SLC15A1: variants seen among roughly 807,000 people sequenced by gnomAD.
The protein encoded by SLC15A1 is Caco-2 oligopeptide transporter.
Under a neutral mutation model 92.9 loss-of-function variants are expected in SLC15A1, and 83 were observed. The ratio of observed to expected loss-of-function variants is 0.89; its 90% CI spans 0.75 to 1.07. SLC15A1 has a LOEUF of 1.07. SLC15A1 is among the 50% of genes least tolerant of loss of function. SLC15A1 has a pLI of 0.00. For synonymous variants in SLC15A1, 322 were observed against 318.2 expected, an observed-to-expected ratio of 1.01 and a Z score of -0.13; for missense variants, 857 against 880.1, an observed-to-expected ratio of 0.97 and a Z score of 0.33.
At chr13:98,751,685 A>G (rs1311838203) in intron 1 of SLC15A1, among the ~76,000 whole-genome samples, 2 of 152,216 alleles carry the variant, frequency 1.3e-5, no homozygotes, top group Admixed American at 1.3e-4. Context: ...TCCGGCAGGC[A>G]TTCTGAGAGC....
intron 1 of SLC15A1, among the ~76,000 whole-genome samples, chr13:98,741,662 T>A (rs925481422): frequency 1.4e-5 from 2 of 144,102 alleles, no homozygotes; most frequent in African/African-American, 2.6e-5. Context: ...AGGTGGAGGT[T>A]GCAGTGAGCT....
intron 10 of SLC15A1, 140 bp downstream of exon 10, chr13:98,712,358 C>T: frequency 1.5e-6 from 1 of 646,618 alleles, no homozygotes; most frequent in Non-Finnish European, 2.7e-6. Context: ...TGCACTCATG[C>T]ATAGTTTTAT....
intron 18 of SLC15A1, among the ~76,000 whole-genome samples, chr13:98,690,907 C>T (rs7335161): frequency 0.062 from 9,489 of 152,248 alleles, 640 homozygotes; most frequent in African/African-American, 0.17. Context: ...CATTCATCTG[C>T]TTTCTGTCTC....
At position 98,706,189 on chromosome 13, in the gene SLC15A1, T is replaced by A. The variant is rs201694136; in HGVS notation, c.1214A>T (p.Asn405Ile). Residue 405 changes from asparagine to isoleucine, a missense_variant, in exon 16 of 23, where the codon AAT becomes ATT. Physicochemically the swap from Asn to Ile is moderately radical, Grantham distance 149. Coordinates refer to ENST00000376503, the MANE Select transcript of SLC15A1 (RefSeq NM_005073.4). ...VQIKVLNIGN[N>I]TMNISLPGEM... ...TCCAGGAAGAGATATATTCATGGTA[T>A]TGTTTCCTATATTCAAAACTTTAAT... is the stretch of plus-strand genomic sequence containing the variant. The A allele has an allele frequency of 1.4e-5, 22 of 1,613,552 alleles. No individual in the cohort carries two copies. Among genetic ancestry groups the A allele is most frequent in the Non-Finnish European group, 1.9e-5 (22 of 1,179,762 alleles).
intron 8 of SLC15A1, among the ~76,000 whole-genome samples, chr13:98,718,525 CAAAA>C (rs1278549810): frequency 6.6e-6 from 1 of 151,788 alleles, no homozygotes; most frequent in Non-Finnish European, 1.5e-5. Flanking sequence ...AAAACAACAA[CAAAA>C]AAACCAGCTA....
intron 18 of SLC15A1, among the ~76,000 whole-genome samples, chr13:98,701,034 A>G (rs2088062953): frequency 6.6e-6 from 1 of 152,180 alleles, no homozygotes; most frequent in Non-Finnish European, 1.5e-5. Context: ...TTCCATATAC[A>G]TTTTAGAAGC....
chr13:98,707,397 A>T (rs2088120891), intron 15 of SLC15A1, among the ~76,000 whole-genome samples: 1 of 152,252 alleles, frequency 6.6e-6, no homozygotes, highest in African/African-American at 2.4e-5. Context: ...AGCCAGTCAC[A>T]AAAGGACAAA....
chr13:98,706,128 A>G lies in SLC15A1; in HGVS notation c.1269+6T>C, dbSNP rs2088110580. The G allele has an allele frequency of 6.2e-7, 1 of 1,604,556 alleles. No homozygotes were observed. The highest frequency in any genetic ancestry group is 2.2e-5 in the East Asian group (1 of 44,752). On this transcript the variant is annotated splice_donor_region_variant and intron_variant, in intron 16 of 22. Coordinates refer to ENST00000376503, the MANE Select transcript of SLC15A1 (RefSeq NM_005073.4). ...AAAAAGAAGGCAGCAATTTCCTTCT[A>G]CTTACTTGAGACATTGGGCCAAGTG... is the stretch of plus-strand genomic sequence containing the variant.
rs184808634 is a variant in SLC15A1 at position 98,704,792 on chromosome 13, C to T, written c.1270-357G>A. ...AAAATCAATACTGGGCTGCTCCAAG[C>T]ATTAGGAATCGGGCTTTTTGTTTTT... On this transcript the variant is annotated intron_variant, in intron 16 of 22. Transcript: ENST00000376503. 2.3e-3 allele frequency among the ~76,000 whole-genome samples: 347 copies of T among 152,324 alleles called. 1 individual carries two copies. Among genetic ancestry groups the T allele is most frequent in the Non-Finnish European group, 3.7e-3 (254 of 68,032 alleles).
chr13:98,704,578 C>T lies in SLC15A1; in HGVS notation c.1270-143G>A, dbSNP rs547569484. 4 of 775,450 alleles carry T rather than the reference C, an allele frequency of 5.2e-6. No homozygotes were observed. In the South Asian group the frequency reaches 7.9e-5, roughly 15 times the overall value. The allele number at this position is 775,450 out of a possible 1,614,324, so 48.0% of individuals were successfully genotyped here. On this transcript the variant is annotated intron_variant, in intron 16 of 22. Coordinates refer to ENST00000376503, the MANE Select transcript of SLC15A1 (RefSeq NM_005073.4). ...CAAAAAAATGCCTGTGGGGAGTTGG[C>T]CTTTATTTGCCTCAGCTTCCCACCC...
chr13:98,715,077 A>G lies in SLC15A1; in HGVS notation c.723+801T>C, dbSNP rs2088202733. 6.6e-5 allele frequency among the ~76,000 whole-genome samples: 10 copies of G among 152,176 alleles called. No individual in the cohort carries two copies. The South Asian group carries it at 1.7e-3, about 25-fold the overall frequency. On this transcript the variant is annotated intron_variant, in intron 9 of 22. Coordinates refer to ENST00000376503, the MANE Select transcript of SLC15A1 (RefSeq NM_005073.4). ...ACTGTAAGTTCAGCACTGTCTTCCTATTTGCAGCAATTTGTGGGCTTACAT... is the reference window on the plus strand; with the variant it reads ...ACTGTAAGTTCAGCACTGTCTTCCTGTTTGCAGCAATTTGTGGGCTTACAT...
Position 98,715,877 on chromosome 13 carries a change from C to A in SLC15A1, c.723+1G>T, listed in dbSNP as rs777607751. 1.2e-6 allele frequency: 2 copies of A among 1,613,628 alleles called. No individual in the cohort carries two copies. Among genetic ancestry groups the A allele is most frequent in the South Asian group, 1.1e-5 (1 of 91,076 alleles). ...TGAGAAAGAGCAGCTGAGATACTTA[C>A]ACCGATGCACTTGGCCACTTTACCC... On this transcript the variant is annotated splice_donor_variant, in intron 9 of 22. Transcript: ENST00000376503. LOFTEE classifies it high-confidence loss of function.
chr13:98,719,377 C>A, intron 7 of SLC15A1, 57 bp from the exon 8 acceptor site: 2 of 1,264,362 alleles, frequency 1.6e-6, no homozygotes, highest in African/African-American at 1.5e-5. Flanking sequence ...GCATATAGTT[C>A]CCATTTGTAA....
chr13:98,739,241 G>A (rs979821596), intron 1 of SLC15A1, among the ~76,000 whole-genome samples: 5 of 152,210 alleles, frequency 3.3e-5, no homozygotes, highest in African/African-American at 9.6e-5. Flanking sequence ...TGCCTCAGAT[G>A]AGACTTTGGA....
At chr13:98,735,107 G>A (rs892195510) in intron 1 of SLC15A1, among the ~76,000 whole-genome samples, 2 of 152,096 alleles carry the variant, frequency 1.3e-5, no homozygotes, top group African/African-American at 4.8e-5. Flanking sequence ...CTGGCAAACC[G>A]AATCCAGCAG....
intron 9 of SLC15A1, among the ~76,000 whole-genome samples, chr13:98,713,208 C>A (rs947094760): frequency 2.6e-5 from 4 of 152,070 alleles, no homozygotes; most frequent in Non-Finnish European, 5.9e-5. Context: ...GGGTATGTAC[C>A]ACCATGCCTG....
chr13:98,696,511 G>C (rs1041760837), intron 18 of SLC15A1, among the ~76,000 whole-genome samples: 1 of 152,086 alleles, frequency 6.6e-6, no homozygotes, highest in African/African-American at 2.4e-5. Context: ...ATTGCTCAAA[G>C]TTTCCAAGGT....
rs1435550054 is a variant in SLC15A1 at position 98,726,432 on chromosome 13, G to A, written c.39C>T (p.Pro13=). 30 of 1,613,872 alleles carry A rather than the reference G, an allele frequency of 1.9e-5. No homozygotes were observed. The highest frequency in any genetic ancestry group is 2.3e-5 in the Non-Finnish European group (27 of 1,179,978). Reference sequence around the variant, plus strand: ...TGACCACGATGAAGAAGATGCTCAGGGGATAACCAAAGAAACTCTGACAAA... The same window carrying A: ...TGACCACGATGAAGAAGATGCTCAGAGGATAACCAAAGAAACTCTGACAAA... ...MSKSHSFFGY[P]LSIFFIVVNE... The change falls in exon 3 of 23, where the codon CCC becomes CCT. Residue 13 remains proline, a synonymous_variant. Transcript: ENST00000376503.
chr13:98,688,962 T>C (rs2087954354), intron 18 of SLC15A1, among the ~76,000 whole-genome samples: 2 of 152,270 alleles, frequency 1.3e-5, no homozygotes, highest in South Asian at 4.1e-4. Flanking sequence ...TATTTAGAGA[T>C]GGAGTCTCGC....
Sources: allele counts gnomAD v4.1 joint callset (sites outside exome capture counted in the v4.1 genomes callset), GRCh38; gene constraint gnomAD v4.1.1; transcripts MANE v1.5; gene names NCBI Gene and HGNC (gene_info 2026-07-23, HGNC 2026-07-21).